DDX25: variants seen among roughly 807,000 people sequenced by gnomAD.
The protein encoded by DDX25 is ATP-dependent RNA helicase DDX25.
DDX25 carries 70 observed loss-of-function variants against 64.6 expected under a neutral mutation model. The ratio of observed to expected loss-of-function variants is 1.08; its 90% CI spans 0.89 to 1.32. DDX25 has a LOEUF of 1.32. Ranked by LOEUF, DDX25 falls within the 40% of genes most tolerant of loss-of-function variation. The probability of loss-of-function intolerance (pLI) is 0.00; values close to 1 mark genes in which losing one functional copy is unlikely to be tolerated. For synonymous variants in DDX25, 211 were observed against 213.3 expected, an observed-to-expected ratio of 0.99 and a Z score of 0.09; for missense variants, 587 against 604.4, an observed-to-expected ratio of 0.97 and a Z score of 0.30.
intron 4 of DDX25, among the ~76,000 whole-genome samples, chr11:125,907,723 T>C (rs570206683): frequency 1.3e-5 from 2 of 152,322 alleles, no homozygotes; most frequent in Admixed American, 1.3e-4. Flanking sequence ...GATGGAGTAA[T>C]ATTGTGTCTT....
intron 11 of DDX25, chr11:125,922,356 C>G (rs986666474): frequency 6.5e-6 from 1 of 154,930 alleles, no homozygotes; most frequent in African/African-American, 2.4e-5. Context: ...GAAGTGCACA[C>G]AGGCACACAC....
At chr11:125,909,729 A>G (rs1591516534) in intron 6 of DDX25, among the ~76,000 whole-genome samples, 2 of 151,702 alleles carry the variant, frequency 1.3e-5, no homozygotes, top group African/African-American at 2.4e-5. Flanking sequence ...GCTCACTGCA[A>G]CCTTTGCCCC....
At position 125,927,190 on chromosome 11, in the gene DDX25, G is replaced by A. The variant is rs1945175364; in HGVS notation, c.*4309G>A. ...CATTAAACTTTTAGATTCTTCTAGT[G>A]AAATACAGAAAACACACGTGAACTG... On this transcript the variant is annotated 3_prime_UTR_variant, in exon 12 of 12. Transcript: ENST00000263576. 1 of 152,234 alleles carries A rather than the reference G, an allele frequency of 6.6e-6. No individual in the cohort carries two copies. Among genetic ancestry groups the A allele is most frequent in the Non-Finnish European group, 1.5e-5 (1 of 68,046 alleles). 9.4% of individuals were successfully genotyped at this position (152,234 alleles called of 1,614,324 possible). A position where few individuals can be genotyped will look rare whatever the true frequency, so the allele number is the denominator to read the frequency against.
chr11:125,914,407 G>C (rs1016764029), intron 8 of DDX25, among the ~76,000 whole-genome samples: 10 of 152,148 alleles, frequency 6.6e-5, no homozygotes, highest in African/African-American at 2.4e-4. Flanking sequence ...TGAGAGGGCC[G>C]TCCCATTCGG....
At chr11:125,920,919 TAC>T (rs3034729) in intron 10 of DDX25, 8,278 of 264,208 alleles carry the variant, frequency 0.031, 37 homozygotes, top group East Asian at 0.065. Flanking sequence ...CACACACACA[TAC>T]ACACACACAC....
At chr11:125,905,725 C>CT in intron 3 of DDX25, 128 bp downstream of exon 3, 1 of 940,814 alleles carries the variant, frequency 1.1e-6, no homozygotes, top group Middle Eastern at 3.3e-4. Context: ...CTTATAGTGA[C>CT]TATCAGGAGA....
intron 8 of DDX25, among the ~76,000 whole-genome samples, chr11:125,914,824 C>T (rs1945015455): frequency 6.6e-6 from 1 of 152,266 alleles, no homozygotes; most frequent in African/African-American, 2.4e-5. Context: ...GCAACCTTTG[C>T]CTCCTGGGTT....
chr11:125,905,377 A>G (rs1944869205), intron 2 of DDX25, 99 bp downstream of exon 2: 1 of 1,404,170 alleles, frequency 7.1e-7, no homozygotes, highest in East Asian at 2.5e-5. Flanking sequence ...CGGATTCATT[A>G]GTGTGACATT....
At chr11:125,905,946 A>T in intron 3 of DDX25, 128 bp from the exon 4 acceptor site, 2 of 1,200,458 alleles carry the variant, frequency 1.7e-6, no homozygotes, top group Non-Finnish European at 2.3e-6. Context: ...TCTTTCTGGA[A>T]CCCTCTTTTA....
At position 125,917,079 on chromosome 11, in the gene DDX25, T is replaced by G. The variant is rs1352083755; in HGVS notation, c.866T>G (p.Phe289Cys). The G allele has an allele frequency of 6.2e-7, 1 of 1,610,370 alleles. No homozygotes were observed. The highest frequency in any genetic ancestry group is 8.5e-7 in the Non-Finnish European group (1 of 1,178,632). The change falls in exon 9 of 12, where the codon TTT becomes TGT. Residue 289 changes from phenylalanine to cysteine, a missense_variant. Transcript: ENST00000263576. Reference sequence around the variant, plus strand: ...ACCTTTGAGGACTCTGTGTGGCACTTTGCTGAGCGAATCATCCCTGACCCT... The same window carrying G: ...ACCTTTGAGGACTCTGTGTGGCACTGTGCTGAGCGAATCATCCCTGACCCT... ...SATFEDSVWH[F>C]AERIIPDPNV...
At chr11:125,914,415 C>T (rs1005650234) in intron 8 of DDX25, among the ~76,000 whole-genome samples, 1 of 152,126 alleles carries the variant, frequency 6.6e-6, no homozygotes, top group African/African-American at 2.4e-5. Flanking sequence ...CCGTCCCATT[C>T]GGTATGCATA....
intron 8 of DDX25, 44 bp downstream of exon 8, chr11:125,911,532 A>C (rs757439057): frequency 5.7e-6 from 9 of 1,572,672 alleles, no homozygotes; most frequent in Non-Finnish European, 7.8e-6. Context: ...TTCTGTCCAG[A>C]TGGGGAATTT....
chr11:125,921,416 C>T lies in DDX25; in HGVS notation c.1390+37C>T, dbSNP rs1945114033. The T allele has an allele frequency of 6.3e-7, 1 of 1,596,576 alleles. No individual in the cohort carries two copies. Among genetic ancestry groups the T allele is most frequent in the African/African-American group, 1.3e-5 (1 of 74,520 alleles). ...CACCCTCACAATATGAACTACAGAC[C>T]TGCCGGTCTGACAGTGATGATGTGT... On this transcript the variant is annotated intron_variant, in intron 11 of 11. Transcript: ENST00000263576. The surrounding 1 kb of genome is among the most constrained non-coding windows in gnomAD (Gnocchi z 4.1).
chr11:125,918,650 T>G lies in DDX25; in HGVS notation c.1061T>G (p.Leu354Trp). 6.2e-7 allele frequency: 1 copy of G among 1,613,798 alleles called. No individual in the cohort carries two copies. The highest frequency in any genetic ancestry group is 8.5e-7 in the Non-Finnish European group (1 of 1,179,804). Residue 354 changes from leucine to tryptophan, a missense_variant, in exon 10 of 12, where the codon TTG becomes TGG. Physicochemically the swap from Leu to Trp is moderately conservative, Grantham distance 61 (BLOSUM62 -2). Coordinates refer to ENST00000263576, the MANE Select transcript of DDX25 (RefSeq NM_013264.5). ...FCQTRRNAKW[L>W]TVEMIQDGHQ... is the part of the protein sequence containing the mutation. ...TAGACTCGTCGAAACGCTAAGTGGT[T>G]GACCGTGGAGATGATACAGGATGGC...
At chr11:125,907,817 G>A (rs887084651) in intron 4 of DDX25, among the ~76,000 whole-genome samples, 34 of 152,186 alleles carry the variant, frequency 2.2e-4, no homozygotes, top group Admixed American at 1.0e-3. Flanking sequence ...TGTCAATATC[G>A]TTCGTGAAAA....
rs537108516 is a variant in DDX25 at position 125,910,643 on chromosome 11, T to C, written c.622+165T>C. Among the ~76,000 whole-genome samples the C allele has an allele frequency of 2.1e-3, 314 of 152,344 alleles. 1 individual carries two copies. Among genetic ancestry groups the C allele is most frequent in the South Asian group, 9.3e-3 (45 of 4,826 alleles). Reference sequence around the variant, plus strand: ...TTGAGATGACGTTGGTAAAGCATTGTACACAATGCCTGGCACGTAGTAAGG... The same window carrying C: ...TTGAGATGACGTTGGTAAAGCATTGCACACAATGCCTGGCACGTAGTAAGG... On this transcript the variant is annotated intron_variant, in intron 7 of 11. Coordinates refer to ENST00000263576, the MANE Select transcript of DDX25 (RefSeq NM_013264.5).
In DDX25 at chr11:125,910,438, T is replaced by G; in HGVS notation, c.582T>G (p.Cys194Trp). The G allele has an allele frequency of 1.2e-6, 2 of 1,614,022 alleles. No individual in the cohort carries two copies. Among genetic ancestry groups the G allele is most frequent in the Non-Finnish European group, 1.7e-6 (2 of 1,179,878 alleles). ...TGGTTGAGCAGATGGGAAAATTCTG[T>G]GTGGATGTTCAAGTGATGTATGCCA... is the stretch of plus-strand genomic sequence containing the variant. Reference protein sequence around the residue: ...GRVVEQMGKFCVDVQVMYAIR... With the variant: ...GRVVEQMGKFWVDVQVMYAIR... The change falls in exon 7 of 12, where the codon TGT (cysteine) becomes TGG (tryptophan). Residue 194 changes from cysteine (C) to tryptophan (W), a missense_variant. Cys to Trp is a radical substitution (Grantham distance 215). Coordinates refer to ENST00000263576, the MANE Select transcript of DDX25 (RefSeq NM_013264.5).
At chr11:125,912,617 T>G (rs1944981081) in intron 8 of DDX25, among the ~76,000 whole-genome samples, 1 of 152,232 alleles carries the variant, frequency 6.6e-6, no homozygotes, top group Non-Finnish European at 1.5e-5. Flanking sequence ...CACAATTTTT[T>G]CCAAATATTT....
At position 125,928,744 on chromosome 11, in the gene DDX25, G is replaced by GTTAA. The variant is rs1487068671; in HGVS notation, c.*5864_*5865insTAAT. ...GTAGTGTTCTTTGCCCATTTATCTT[G>GTTAA]TGGGATGTTAATGGTTTCCTTGTCA... On this transcript the variant is annotated 3_prime_UTR_variant, in exon 12 of 12. Coordinates refer to ENST00000263576, the MANE Select transcript of DDX25 (RefSeq NM_013264.5). The GTTAA allele has an allele frequency of 6.6e-6, 1 of 152,132 alleles. No individual in the cohort carries two copies. The highest frequency in any genetic ancestry group is 6.5e-5 in the Admixed American group (1 of 15,270). 9.4% of individuals were successfully genotyped at this position (152,132 alleles called of 1,614,324 possible).
Sources: allele counts gnomAD v4.1 joint callset (sites outside exome capture counted in the v4.1 genomes callset), GRCh38; gene constraint gnomAD v4.1.1; non-coding constraint Gnocchi (gnomAD v3.1); transcripts MANE v1.5; gene names NCBI Gene and HGNC (gene_info 2026-07-23, HGNC 2026-07-21).